CTDSPL2: variants seen among roughly 807,000 people sequenced by gnomAD.
The protein encoded by CTDSPL2 is CTD small phosphatase-like protein 2.
In CTDSPL2, 5 loss-of-function variants were observed where a neutral mutation model predicts 60.0. That is an observed-to-expected ratio of 0.08 (90% CI 0.04 to 0.18). The LOEUF is 0.18. CTDSPL2 is among the 10% of genes least tolerant of loss of function. The pLI is 1.00. For synonymous variants in CTDSPL2, 186 were observed against 189.3 expected (o/e 0.98, Z 0.14); for missense variants, 370 against 548.8 (o/e 0.67, Z 3.26).
At chr15:44,438,923 G>A (rs2080027968) in intron 1 of CTDSPL2, among the ~76,000 whole-genome samples, 1 of 152,124 alleles carries the variant, frequency 6.6e-6, no homozygotes, top group Non-Finnish European at 1.5e-5. Context: ...ATTCCTGAAA[G>A]GAGATCTTGA....
At chr15:44,472,800 A>C (rs888639564) in intron 2 of CTDSPL2, among the ~76,000 whole-genome samples, 7 of 152,230 alleles carry the variant, frequency 4.6e-5, no homozygotes, top group Non-Finnish European at 1.0e-4. Flanking sequence ...AGTACCTGGG[A>C]TTACAGGCAC....
At position 44,528,794 on chromosome 15, in the gene CTDSPL2, G is replaced by A. The variant is rs2140881819; in HGVS notation, c.*4620G>A. 1 of 152,158 alleles carries A rather than the reference G, an allele frequency of 6.6e-6. No individual in the cohort carries two copies. Among genetic ancestry groups the A allele is most frequent in the South Asian group, 2.1e-4 (1 of 4,802 alleles). The allele number at this position is 152,158 out of a possible 1,614,324, so 9.4% of individuals were successfully genotyped here. A position where few individuals can be genotyped will look rare whatever the true frequency, so the allele number is the denominator to read the frequency against. On this transcript the variant is annotated 3_prime_UTR_variant, in exon 13 of 13. Transcript: ENST00000260327. ...ATACTACTTTCATCTTTTGAAATGG[G>A]ATTTTTCAAGGCAGTGTCCTTTTGG...
At position 44,472,022 on chromosome 15, in the gene CTDSPL2, T is replaced by C. The variant is rs2080821351; in HGVS notation, c.187-12202T>C. 4.6e-5 allele frequency among the ~76,000 whole-genome samples: 7 copies of C among 152,240 alleles called. No homozygotes were observed. In the South Asian group the frequency reaches 1.4e-3, roughly 32 times the overall value. On this transcript the variant is annotated intron_variant, in intron 2 of 12. Transcript: ENST00000260327. ...AGTACATCCATGTTGTGGCATATAT[T>C]ATATCACTATTTCCTTTTTATTGCC...
rs375511811 is a variant in CTDSPL2, at chr15:44,484,279, A to G, written c.242A>G (p.Asn81Ser). 3.5e-5 allele frequency: 56 copies of G among 1,612,300 alleles called. No homozygotes were observed. Among genetic ancestry groups the G allele is most frequent in the Non-Finnish European group, 4.6e-5 (54 of 1,178,504 alleles). ...RSRIERDIDN[N>S]LITSTPRAGE... ...AGAATTGAACGTGATATAGATAACAATTTGATCACGTCAACACCAAGAGCA... is the reference window on the plus strand; with the variant it reads ...AGAATTGAACGTGATATAGATAACAGTTTGATCACGTCAACACCAAGAGCA... The change falls in exon 3 of 13, where the codon AAT (asparagine) becomes AGT (serine). Residue 81 changes from asparagine to serine, a missense_variant. By Grantham distance (46) the Asn-to-Ser change is conservative (BLOSUM62 1). This residue lies in a region of CTDSPL2 where 287 missense variants were observed against 296.1 expected (regional missense o/e 0.97). Coordinates refer to ENST00000260327, the MANE Select transcript of CTDSPL2 (RefSeq NM_016396.3).
At position 44,525,249 on chromosome 15, in the gene CTDSPL2, C is replaced by T; in HGVS notation, c.*1075C>T. The stretch of plus-strand genomic sequence containing the variant: ...TTAAAACTGTATAACAGTCTTGGTA[C>T]CTAACAGTAGCTATGCATAATCCTG... On this transcript the variant is annotated 3_prime_UTR_variant, in exon 13 of 13. Transcript: ENST00000260327. 1 of 396,118 alleles carries T rather than the reference C, an allele frequency of 2.5e-6. No homozygotes were observed. Among genetic ancestry groups the T allele is most frequent in the Non-Finnish European group, 4.5e-6 (1 of 224,548 alleles). 24.5% of individuals were successfully genotyped at this position (396,118 alleles called of 1,614,324 possible).
At chr15:44,465,798 C>G (rs1277319085) in intron 2 of CTDSPL2, among the ~76,000 whole-genome samples, 1 of 150,610 alleles carries the variant, frequency 6.6e-6, no homozygotes, top group East Asian at 1.9e-4. Context: ...ACTGCAACCT[C>G]CATCTGCTGG....
At chr15:44,468,445 A>C (rs934024906) in intron 2 of CTDSPL2, among the ~76,000 whole-genome samples, 1 of 151,938 alleles carries the variant, frequency 6.6e-6, no homozygotes, top group African/African-American at 2.4e-5. Flanking sequence ...TATCAATTTC[A>C]TTATTCGTTC....
intron 10 of CTDSPL2, among the ~76,000 whole-genome samples, chr15:44,515,070 C>T (rs897135083): frequency 1.3e-5 from 2 of 152,062 alleles, no homozygotes; most frequent in African/African-American, 4.8e-5. Flanking sequence ...TTCACTGTGA[C>T]ATCTATATCC....
intron 1 of CTDSPL2, among the ~76,000 whole-genome samples, chr15:44,431,237 C>A (rs537677337): frequency 5.2e-4 from 79 of 152,090 alleles, no homozygotes; most frequent in Middle Eastern, 3.4e-3. Context: ...GCTGGGCTTA[C>A]CGGCATGAGC....
chr15:44,522,475 G>A (rs558994626), intron 12 of CTDSPL2, among the ~76,000 whole-genome samples: 1 of 152,234 alleles, frequency 6.6e-6, no homozygotes, highest in East Asian at 1.9e-4. Flanking sequence ...TAAATTGGCC[G>A]GGTGTGGTGG....
intron 1 of CTDSPL2, among the ~76,000 whole-genome samples, chr15:44,450,222 T>C (rs2080306708): frequency 6.6e-6 from 1 of 152,014 alleles, no homozygotes; most frequent in Non-Finnish European, 1.5e-5. Flanking sequence ...AATTACTTAG[T>C]TTTACTGTTT....
chr15:44,438,596 G>A (rs1234352027), intron 1 of CTDSPL2, among the ~76,000 whole-genome samples: 2 of 152,126 alleles, frequency 1.3e-5, no homozygotes, highest in East Asian at 3.8e-4. Context: ...TTGTGATGAA[G>A]AATATATTAG....
In CTDSPL2 at chr15:44,527,428, C is replaced by G. The variant is rs779902686; in HGVS notation, c.*3254C>G. ...TGTCAACTTGCCTGAAAAACAGAGA[C>G]TTCATCTCATCAATGAAGAAAGCAT... is the stretch of plus-strand genomic sequence containing the variant. On this transcript the variant is annotated 3_prime_UTR_variant, in exon 13 of 13. Coordinates refer to ENST00000260327, the MANE Select transcript of CTDSPL2 (RefSeq NM_016396.3). The G allele has an allele frequency of 6.6e-5, 10 of 152,116 alleles. No individual in the cohort carries two copies. Among genetic ancestry groups the G allele is most frequent in the African/African-American group, 9.7e-5 (4 of 41,446 alleles). The allele number at this position is 152,116 out of a possible 1,614,324, so 9.4% of individuals were successfully genotyped here. A position where few individuals can be genotyped will look rare whatever the true frequency, so the allele number is the denominator to read the frequency against.
At chr15:44,443,384 G>C (rs1261050870) in intron 1 of CTDSPL2, among the ~76,000 whole-genome samples, 1 of 152,150 alleles carries the variant, frequency 6.6e-6, no homozygotes, top group East Asian at 1.9e-4. Context: ...TACTGTGTGA[G>C]ACCCTACTGT....
intron 1 of CTDSPL2, among the ~76,000 whole-genome samples, chr15:44,442,141 A>G (rs1047989166): frequency 4.6e-5 from 7 of 152,120 alleles, no homozygotes; most frequent in Admixed American, 3.3e-4. Context: ...CTGTTACGAA[A>G]TTCCTAGGGG....
intron 3 of CTDSPL2, among the ~76,000 whole-genome samples, chr15:44,484,865 ATAGAG>A (rs1197579432): frequency 2.0e-5 from 3 of 152,368 alleles, no homozygotes; most frequent in African/African-American, 7.2e-5. Context: ...GTAAGTAAAG[ATAGAG>A]TATATACCTT....
At chr15:44,435,771 T>C (rs1452863057) in intron 1 of CTDSPL2, among the ~76,000 whole-genome samples, 1 of 151,902 alleles carries the variant, frequency 6.6e-6, no homozygotes, top group Non-Finnish European at 1.5e-5. Context: ...CACGCCTGGC[T>C]AATTTTTGTG....
At chr15:44,461,394 T>G (rs2080565792) in intron 2 of CTDSPL2, among the ~76,000 whole-genome samples, 1 of 152,090 alleles carries the variant, frequency 6.6e-6, no homozygotes, top group African/African-American at 2.4e-5. Context: ...TATACTGTAT[T>G]CTAATTTTTT....
intron 1 of CTDSPL2, chr15:44,428,058 C>G (rs2079782548): frequency 1.1e-5 from 2 of 187,846 alleles, no homozygotes; most frequent in Admixed American, 6.2e-5. Flanking sequence ...GCTACCCACC[C>G]CCACTCCGAT....
Sources: gnomAD v4.1 joint callset for allele counts (sites outside exome capture counted in the v4.1 genomes callset) on GRCh38, gnomAD v4.1.1 for gene constraint, gnomAD v4.1.1 regional missense constraint, MANE v1.5 for transcripts, NCBI Gene and HGNC (gene_info 2026-07-23, HGNC 2026-07-21) for gene names.